The following CES5A variants were observed in gnomAD, a reference collection of about 807,000 sequenced individuals.
The protein encoded by CES5A is carboxylesterase 5A.
CES5A carries 67 observed loss-of-function variants against 62.9 expected under a neutral mutation model. The observed-to-expected ratio is 1.07, with a 90% confidence interval of 0.88 to 1.31. CES5A has a LOEUF of 1.31. CES5A is among the 50% of genes most tolerant of loss of function. CES5A has a pLI of 0.00. For missense variants in CES5A, 748 were observed against 708.5 expected, an observed-to-expected ratio of 1.06 and a Z score of -0.63; for synonymous variants, 296 against 280.8, an observed-to-expected ratio of 1.05 and a Z score of -0.54.
chr16:55,931,497 C>T (rs1354015274), intron 2 of CES5A, among the ~76,000 whole-genome samples: 2 of 152,154 alleles, frequency 1.3e-5, no homozygotes, highest in Non-Finnish European at 2.9e-5. Context: ...ATGATCTGGC[C>T]CTTGCTCTGT....
intron 2 of CES5A, among the ~76,000 whole-genome samples, chr16:55,943,522 C>T (rs1337892862): frequency 1.3e-5 from 2 of 152,212 alleles, no homozygotes; most frequent in African/African-American, 4.8e-5. Context: ...ATTCTCACCA[C>T]ATTAATCTCT....
intron 1 of CES5A, among the ~76,000 whole-genome samples, chr16:55,898,685 T>A (rs1237199676): frequency 1.3e-5 from 2 of 152,172 alleles, no homozygotes; most frequent in African/African-American, 2.4e-5. Context: ...AAGGGATGCA[T>A]CCCTAGGAGG....
chr16:55,874,872 C>A (rs1238253080), intron 1 of CES5A, among the ~76,000 whole-genome samples: 2 of 152,226 alleles, frequency 1.3e-5, no homozygotes, highest in African/African-American at 4.8e-5. Context: ...CTCTGTTCCT[C>A]ACGCTTCTCC....
intron 1 of CES5A, among the ~76,000 whole-genome samples, chr16:55,924,115 G>A (rs149841010): frequency 3.3e-5 from 5 of 151,872 alleles, no homozygotes; most frequent in African/African-American, 1.2e-4. Flanking sequence ...TGGAAAGAAA[G>A]AAGTCAAATT....
At chr16:55,874,528 T>G (rs550913108) in intron 1 of CES5A, among the ~76,000 whole-genome samples, 1 of 152,300 alleles carries the variant, frequency 6.6e-6, no homozygotes, top group Admixed American at 6.5e-5. Flanking sequence ...TTTAAAATTT[T>G]ACCTAGAAGA....
intron 1 of CES5A, among the ~76,000 whole-genome samples, chr16:55,954,207 T>G (rs568526521): frequency 6.6e-5 from 10 of 152,160 alleles, no homozygotes; most frequent in African/African-American, 2.4e-4. Context: ...CAAGCTCAGA[T>G]AGCAAAGGCC....
At chr16:55,921,317 TCA>T (rs1414238464) in intron 1 of CES5A, among the ~76,000 whole-genome samples, 1 of 151,758 alleles carries the variant, frequency 6.6e-6, no homozygotes, top group Non-Finnish European at 1.5e-5. Flanking sequence ...CATATAATAA[TCA>T]AACTCTCAAA....
At chr16:55,909,293 C>T (rs1278625459) in intron 1 of CES5A, among the ~76,000 whole-genome samples, 1 of 152,174 alleles carries the variant, frequency 6.6e-6, no homozygotes, top group Admixed American at 6.5e-5. Flanking sequence ...TTCCTGCACC[C>T]TCTTTCCCAC....
intron 1 of CES5A, among the ~76,000 whole-genome samples, chr16:55,892,021 T>A (rs2033884842): frequency 1.3e-5 from 2 of 152,120 alleles, no homozygotes; most frequent in Non-Finnish European, 2.9e-5. Flanking sequence ...GAACTCCCCA[T>A]CCTGAAGAGA....
intron 1 of CES5A, among the ~76,000 whole-genome samples, chr16:55,918,078 C>T (rs984076767): frequency 1.3e-5 from 2 of 152,134 alleles, no homozygotes; most frequent in Admixed American, 6.5e-5. Flanking sequence ...TCATCATAGT[C>T]AGATATGCTG....
At position 55,869,660 on chromosome 16, in the gene CES5A, C is replaced by T. The variant is rs1437939150; in HGVS notation, c.502G>A (p.Val168Met). 3.7e-6 allele frequency: 6 copies of T among 1,613,564 alleles called. No individual in the cohort carries two copies. The highest frequency in any genetic ancestry group is 2.2e-5 in the South Asian group (2 of 90,926). Reference protein sequence around the residue: ...DGSALAAYEDVLVVVVQYRLG... With the variant: ...DGSALAAYEDMLVVVVQYRLG... Reference sequence around the variant, plus strand: ...CGGTACTGGACGACCACAACCAGCACGTCCTCATAGGCAGCCAGGGCGGAC... The same window carrying T: ...CGGTACTGGACGACCACAACCAGCATGTCCTCATAGGCAGCCAGGGCGGAC... The change falls in exon 4 of 13, where the codon GTG (valine) becomes ATG (methionine). Residue 168 changes from valine to methionine, a missense_variant. Physicochemically the swap from Val to Met is conservative, Grantham distance 21. Coordinates refer to ENST00000290567, the MANE Select transcript of CES5A (RefSeq NM_001143685.2).
chr16:55,945,058 T>A (rs752440399), intron 2 of CES5A, among the ~76,000 whole-genome samples: 1 of 152,230 alleles, frequency 6.6e-6, no homozygotes, highest in Non-Finnish European at 1.5e-5. Context: ...AAAATGGGGT[T>A]AATAATAGGC....
At chr16:55,928,967 C>T (rs541996581), upstream of CES5A, among the ~76,000 whole-genome samples, 4 of 152,242 alleles carry the variant, frequency 2.6e-5, no homozygotes, top group South Asian at 2.1e-4. Flanking sequence ...AGATGGATGT[C>T]GCTTGCTTCC....
chr16:55,939,190 A>T (rs1411351228), intron 2 of CES5A, among the ~76,000 whole-genome samples: 1 of 152,206 alleles, frequency 6.6e-6, no homozygotes, highest in African/African-American at 2.4e-5. Context: ...ACTAGTTCCC[A>T]CAAAAGTATC....
At chr16:55,901,573 A>G (rs1440385315) in intron 1 of CES5A, among the ~76,000 whole-genome samples, 2 of 152,202 alleles carry the variant, frequency 1.3e-5, no homozygotes, top group Non-Finnish European at 2.9e-5. Flanking sequence ...CCTTCCCCTT[A>G]CAAAATGTAT....
chr16:55,931,474 T>C (rs1226414656), intron 2 of CES5A, among the ~76,000 whole-genome samples: 13 of 152,326 alleles, frequency 8.5e-5, no homozygotes, highest in African/African-American at 2.9e-4. Flanking sequence ...TAGCCTGACA[T>C]GTCAGGCCTT....
intron 1 of CES5A, among the ~76,000 whole-genome samples, chr16:55,901,176 G>A (rs2033986944): frequency 6.6e-6 from 1 of 152,136 alleles, no homozygotes; most frequent in Admixed American, 6.5e-5. Flanking sequence ...AGATCTGATG[G>A]TTTTATAAAG....
chr16:55,941,910 C>T (rs1202901814), intron 2 of CES5A, among the ~76,000 whole-genome samples: 2 of 152,094 alleles, frequency 1.3e-5, no homozygotes, highest in Non-Finnish European at 2.9e-5. Flanking sequence ...CTATCTTATA[C>T]TTTTAAAATA....
At chr16:55,955,846 T>C (rs1369515106) in exon 1 of CES5A, 1 of 1,535,934 alleles carries the variant, frequency 6.5e-7, no homozygotes, top group East Asian at 2.4e-5. Context: ...ATACTCACCT[T>C]TAGGCCATGG....
Sources: gnomAD v4.1 joint callset for allele counts (sites outside exome capture counted in the v4.1 genomes callset) on GRCh38, gnomAD v4.1.1 for gene constraint, MANE v1.5 for transcripts, NCBI Gene and HGNC (gene_info 2026-07-23, HGNC 2026-07-21) for gene names.